Variants in DMD observed in about 807,000 individuals in gnomAD.
The protein encoded by DMD is mutant dystrophin.
DMD carries 63 observed loss-of-function variants against 330.1 expected under a neutral mutation model. The observed-to-expected ratio is 0.19, with a 90% CI of 0.16 to 0.24. The LOEUF (loss-of-function observed/expected upper bound fraction) is 0.24. Among genes scored for constraint, DMD ranks in the 10% least tolerant of loss-of-function variants. The pLI, the probability that DMD is intolerant of heterozygous loss-of-function variation, is 1.00. For synonymous variants in DMD, 1,223 were observed against 959.8 expected (o/e 1.27, Z -5.07); for missense variants, 3,344 against 2,684.1 (o/e 1.25, Z -5.43).
chrX:31,749,229 GCA>G (rs1187249795), intron 51 of DMD, among the ~76,000 whole-genome samples: 24 of 106,671 alleles, frequency 2.2e-4, no homozygotes, highest in Non-Finnish European at 4.1e-4. Flanking sequence ...TGCCATGCTG[GCA>G]CGCTGCACCC....
chrX:31,756,007 T>G lies in DMD; in HGVS notation c.7542+17953A>C, dbSNP rs779759737. Among the ~76,000 whole-genome samples the G allele has an allele frequency of 4.5e-5, 5 of 111,671 alleles. No homozygotes were observed. In the East Asian group the frequency reaches 1.4e-3, roughly 31 times the overall value. ...ATGTGCAAGAAATGTTCTGCATGTTTGTGTGCGTGAGAGAGACACAGAGAG... is the reference window on the plus strand; with the variant it reads ...ATGTGCAAGAAATGTTCTGCATGTTGGTGTGCGTGAGAGAGACACAGAGAG... On this transcript the variant is annotated intron_variant, in intron 51 of 78. Coordinates refer to ENST00000357033, the MANE Select transcript of DMD (RefSeq NM_004006.3).
At chrX:33,128,329 C>T in intron 1 of DMD, 1 of 1,028,334 alleles carries the variant, frequency 9.7e-7, no homozygotes, top group East Asian at 3.6e-5. Context: ...ACCAGCCTCA[C>T]AAAAGCAGAC....
chrX:33,314,584 T>TTTTTATC (rs2053905063), intron 1 of DMD, among the ~76,000 whole-genome samples: 1 of 100,574 alleles, frequency 9.9e-6, no homozygotes, highest in Non-Finnish European at 2.0e-5. Context: ...TTTTTTTTTT[T>TTTTTATC]TTTATCTTTC....
intron 21 of DMD, among the ~76,000 whole-genome samples, chrX:32,484,028 TAAAC>T (rs1414541853): frequency 9.0e-6 from 1 of 110,877 alleles, no homozygotes; most frequent in Admixed American, 9.7e-5. Context: ...GTTTTAGTAG[TAAAC>T]AAACACATGT....
chrX:31,987,727 T>C (rs2095519490), intron 44 of DMD, among the ~76,000 whole-genome samples: 1 of 112,030 alleles, frequency 8.9e-6, no homozygotes, highest in South Asian at 3.7e-4. Context: ...GGAACCCTTA[T>C]GCACTGTTGG....
intron 2 of DMD, among the ~76,000 whole-genome samples, chrX:32,869,194 A>AAGC (rs1396865075): frequency 9.0e-6 from 1 of 111,289 alleles, no homozygotes; most frequent in Non-Finnish European, 1.9e-5. Flanking sequence ...AGCAAACAGA[A>AAGC]AGCAACAACA....
intron 78 of DMD, 107 bp from the exon 79 acceptor site, chrX:31,122,037 A>G: frequency 3.2e-6 from 2 of 622,331 alleles, no homozygotes; most frequent in Non-Finnish European, 5.3e-6. Context: ...CTGGGTGAAG[A>G]CAACACAGAA....
intron 71 of DMD, 145 bp downstream of exon 71, chrX:31,177,787 A>C: frequency 1.7e-6 from 1 of 575,357 alleles, no homozygotes; most frequent in Non-Finnish European, 2.8e-6. Flanking sequence ...AAAGAAAAAA[A>C]AAAACTGAAA....
Position 31,311,627 on chromosome X carries a change from A to G in DMD, c.9224+11971T>C, listed in dbSNP as rs753299762. On this transcript the variant is annotated intron_variant, in intron 62 of 78. Transcript: ENST00000357033. ...TTTTGCTTAGAATTGTCTTGGCTATACGGGGTCTTCTTTGATTCCACATGA... is the reference window on the plus strand; with the variant it reads ...TTTTGCTTAGAATTGTCTTGGCTATGCGGGGTCTTCTTTGATTCCACATGA... Among the ~76,000 whole-genome samples, 3 of 111,096 alleles carry G rather than the reference A, an allele frequency of 2.7e-5. No homozygotes were observed. In the South Asian group the frequency reaches 1.1e-3, roughly 43 times the overall value.
intron 2 of DMD, among the ~76,000 whole-genome samples, chrX:32,940,443 C>A (rs1344573619): frequency 9.0e-6 from 1 of 111,217 alleles, no homozygotes; most frequent in Non-Finnish European, 1.9e-5. Context: ...ACAAAAACAG[C>A]ATGGTACTGG....
At chrX:32,964,173 T>C (rs1185791183) in intron 2 of DMD, among the ~76,000 whole-genome samples, 1 of 102,657 alleles carries the variant, frequency 9.7e-6, no homozygotes, top group East Asian at 3.2e-4. Context: ...GGAGAATCCC[T>C]TGAACCTGAG....
chrX:33,302,622 A>T (rs940209098), intron 1 of DMD, among the ~76,000 whole-genome samples: 1 of 111,182 alleles, frequency 9.0e-6, no homozygotes, highest in Non-Finnish European at 1.9e-5. Flanking sequence ...TAATTTTTCT[A>T]GAGTAGTATT....
chrX:31,987,437 C>T (rs1467319380), intron 44 of DMD, among the ~76,000 whole-genome samples: 1 of 111,616 alleles, frequency 9.0e-6, no homozygotes, highest in South Asian at 3.8e-4. Context: ...CAATCCTCTC[C>T]CCATTCTCGC....
At chrX:31,529,414 T>C (rs939955206) in intron 55 of DMD, among the ~76,000 whole-genome samples, 1 of 110,090 alleles carries the variant, frequency 9.1e-6, no homozygotes, top group East Asian at 2.8e-4. Flanking sequence ...TAAAATAAAA[T>C]ATAGTAAAGT....
intron 2 of DMD, among the ~76,000 whole-genome samples, chrX:32,920,595 G>C (rs909460992): frequency 1.8e-5 from 2 of 111,622 alleles, no homozygotes; most frequent in African/African-American, 6.5e-5. Context: ...TCTACCAGAA[G>C]TATACAATTG....
intron 68 of DMD, 52 bp from the exon 69 acceptor site, chrX:31,180,533 A>C (rs1336637245): frequency 1.2e-6 from 1 of 818,585 alleles, no homozygotes; most frequent in Non-Finnish European, 1.9e-6. Flanking sequence ...TCAAATTCCC[A>C]AAGAACACTC....
chrX:33,109,202 G>C (rs2095319986), intron 1 of DMD, among the ~76,000 whole-genome samples: 1 of 111,062 alleles, frequency 9.0e-6, no homozygotes, highest in Non-Finnish European at 1.9e-5. Flanking sequence ...CTTTAGACTG[G>C]TTAACTAGTA....
chrX:31,407,551 G>A (rs1267762078), intron 60 of DMD, among the ~76,000 whole-genome samples: 8 of 103,868 alleles, frequency 7.7e-5, no homozygotes, highest in Admixed American at 1.1e-4. Context: ...GGCTCACTGC[G>A]AGCTTCACCT....
intron 2 of DMD, among the ~76,000 whole-genome samples, chrX:32,977,140 A>C (rs1046797950): frequency 9.1e-6 from 1 of 109,874 alleles, no homozygotes; most frequent in Admixed American, 9.8e-5. Flanking sequence ...GTTACAATAA[A>C]AATACAAAAA....
Sources: allele counts gnomAD v4.1 joint callset (sites outside exome capture counted in the v4.1 genomes callset), GRCh38; gene constraint gnomAD v4.1.1; transcripts MANE v1.5; gene names NCBI Gene and HGNC (gene_info 2026-07-23, HGNC 2026-07-21).